SIL1: variants seen among roughly 807,000 people sequenced by gnomAD.
The protein encoded by SIL1 is nucleotide exchange factor SIL1.
Under a neutral mutation model 49.1 loss-of-function variants are expected in SIL1, and 40 were observed. The observed-to-expected ratio is 0.81, with a 90% CI of 0.63 to 1.06. The LOEUF is 1.06. Among genes scored for constraint, SIL1 ranks in the 50% least tolerant of loss-of-function variants. The pLI is 0.00. For synonymous variants in SIL1, 253 were observed against 250.8 expected, an observed-to-expected ratio of 1.01 and a Z score of -0.08; for missense variants, 500 against 572.6, an observed-to-expected ratio of 0.87 and a Z score of 1.29.
chr5:139,176,018 C>G (rs1257812192), intron 1 of SIL1, among the ~76,000 whole-genome samples: 6 of 151,882 alleles, frequency 4.0e-5, no homozygotes, highest in Non-Finnish European at 8.8e-5. Context: ...TTTTGTGAGA[C>G]AGTGTCTCAC....
At chr5:139,065,550 G>A (rs1018691118) in intron 3 of SIL1, among the ~76,000 whole-genome samples, 10 of 152,220 alleles carry the variant, frequency 6.6e-5, no homozygotes, top group Non-Finnish European at 1.2e-4. Context: ...GGGCTGTGCT[G>A]ACAGGTGCCC....
chr5:139,193,394 A>C (rs1403732663), intron 1 of SIL1, among the ~76,000 whole-genome samples: 1 of 152,088 alleles, frequency 6.6e-6, no homozygotes, highest in East Asian at 1.9e-4. Context: ...CAAAACACAA[A>C]AACTACTACT....
chr5:139,023,813 C>T (rs746990631), intron 6 of SIL1, among the ~76,000 whole-genome samples: 2 of 152,238 alleles, frequency 1.3e-5, no homozygotes, highest in Non-Finnish European at 2.9e-5. Flanking sequence ...TACTTAATCC[C>T]CCAGTGAAAT....
chr5:139,034,852 C>G (rs996293119), intron 5 of SIL1, among the ~76,000 whole-genome samples: 7 of 152,206 alleles, frequency 4.6e-5, no homozygotes, highest in African/African-American at 1.7e-4. Flanking sequence ...ACACTGTTTT[C>G]CACAATGTGG....
At chr5:139,175,282 C>T (rs142624600) in intron 1 of SIL1, among the ~76,000 whole-genome samples, 723 of 152,258 alleles carry the variant, frequency 4.7e-3, no homozygotes, top group African/African-American at 0.01. Flanking sequence ...GATCGCACCA[C>T]TGCACTCCAG....
intron 7 of SIL1, among the ~76,000 whole-genome samples, chr5:138,999,317 G>A (rs548853442): frequency 5.3e-5 from 8 of 152,234 alleles, no homozygotes; most frequent in East Asian, 1.9e-4. Context: ...TGCTGTAAAT[G>A]GAAGTGCTTT....
intron 7 of SIL1, among the ~76,000 whole-genome samples, chr5:138,961,380 C>G (rs1767016943): frequency 6.6e-6 from 1 of 152,214 alleles, no homozygotes. Flanking sequence ...CCACTTAACT[C>G]TATGTTTGTT....
At chr5:139,170,990 G>C (rs1474682366) in intron 1 of SIL1, among the ~76,000 whole-genome samples, 1 of 149,408 alleles carries the variant, frequency 6.7e-6, no homozygotes, top group Non-Finnish European at 1.5e-5. Flanking sequence ...CCCCGTCCGG[G>C]AGGTGAGGGG....
Position 138,951,791 on chromosome 5 carries a change from C to A in SIL1, c.861G>T (p.Lys287Asn), listed in dbSNP as rs764540895. Reference protein sequence around the residue: ...LATEQPLTAKKKVLFALCSLL... With the variant: ...LATEQPLTAKNKVLFALCSLL... ...GAGGAAGGGCATGGAAACACACCTT[C>A]TTCTTTGCAGTGAGCGGCTGCTCCG... is the stretch of plus-strand genomic sequence containing the variant. Residue 287 changes from lysine (K) to asparagine (N), a missense_variant, in exon 8 of 10, where the codon AAG (lysine) becomes AAT (asparagine). By Grantham distance (94) the Lys-to-Asn change is moderately conservative. Transcript: ENST00000394817. 1.2e-6 allele frequency: 2 copies of A among 1,613,942 alleles called. No homozygotes were observed. The highest frequency in any genetic ancestry group is 2.7e-5 in the African/African-American group (2 of 74,944).
intron 3 of SIL1, among the ~76,000 whole-genome samples, chr5:139,062,799 T>G (rs1012637234): frequency 1.3e-5 from 2 of 152,362 alleles, no homozygotes; most frequent in Admixed American, 6.5e-5. Flanking sequence ...AAGTGGCTAG[T>G]CCACAAGCAT....
At chr5:139,027,896 C>G (rs887357856) in intron 5 of SIL1, among the ~76,000 whole-genome samples, 1 of 152,184 alleles carries the variant, frequency 6.6e-6, no homozygotes, top group East Asian at 1.9e-4. Context: ...TCCCCAGTTA[C>G]AAGCACTCCA....
chr5:139,156,978 C>T lies in SIL1; in HGVS notation c.-10-29125G>A, dbSNP rs1053577979. ...AGGCCAGCACTCTTGAGCCCTGTGC[C>T]TTGCTCCTTTTCTATACACAGCCTC... On this transcript the variant is annotated intron_variant, in intron 1 of 9. Transcript: ENST00000394817. 2.0e-5 allele frequency among the ~76,000 whole-genome samples: 3 copies of T among 152,346 alleles called. No individual in the cohort carries two copies. In the East Asian group the frequency reaches 5.8e-4, roughly 29 times the overall value.
chr5:139,101,820 G>A lies in SIL1; in HGVS notation c.244+19215C>T, dbSNP rs60520276. Among the ~76,000 whole-genome samples the A allele has an allele frequency of 3.1e-3, 465 of 152,320 alleles. 2 individuals carry two copies. The highest frequency in any genetic ancestry group is 0.011 in the African/African-American group (439 of 41,564). ...TTACGATCTTGGCACAAAACAATGA[G>A]AATGTGTATTCTGTTCTTGCTACCC... On this transcript the variant is annotated intron_variant, in intron 3 of 9. Transcript: ENST00000394817.
chr5:139,147,963 GC>G (rs1751224988), intron 1 of SIL1, among the ~76,000 whole-genome samples: 1 of 152,102 alleles, frequency 6.6e-6, no homozygotes. Context: ...TGCCAGGAGA[GC>G]CCTGGTTTTC....
At chr5:139,034,713 TTAA>T (rs1768865034) in intron 5 of SIL1, among the ~76,000 whole-genome samples, 1 of 152,212 alleles carries the variant, frequency 6.6e-6, no homozygotes, top group Non-Finnish European at 1.5e-5. Context: ...TCAAACAATT[TTAA>T]AAACTCAAAA....
chr5:139,102,318 G>C (rs546436763), intron 3 of SIL1, among the ~76,000 whole-genome samples: 1 of 152,270 alleles, frequency 6.6e-6, no homozygotes, highest in South Asian at 2.1e-4. Context: ...TGTACAGTAT[G>C]ACTGCACTTT....
intron 7 of SIL1, among the ~76,000 whole-genome samples, chr5:138,968,681 G>A (rs951883154): frequency 1.3e-5 from 2 of 152,102 alleles, no homozygotes; most frequent in African/African-American, 4.8e-5. Context: ...CAAGGACCTG[G>A]ACTGTGCCTT....
chr5:138,952,828 A>G (rs1256780749), intron 7 of SIL1, among the ~76,000 whole-genome samples: 3 of 152,266 alleles, frequency 2.0e-5, no homozygotes, highest in African/African-American at 7.2e-5. Flanking sequence ...GGTGCCATGC[A>G]GGGGACAAGG....
intron 1 of SIL1, among the ~76,000 whole-genome samples, chr5:139,171,076 TG>T (rs1253503666): frequency 1.9e-4 from 25 of 132,728 alleles, no homozygotes; most frequent in Middle Eastern, 4.2e-3. Context: ...GGGAGGGAGG[TG>T]GGGGGGTCAG....
Sources: allele counts gnomAD v4.1 joint callset (sites outside exome capture counted in the v4.1 genomes callset), GRCh38; gene constraint gnomAD v4.1.1; transcripts MANE v1.5; gene names NCBI Gene and HGNC (gene_info 2026-07-23, HGNC 2026-07-21).